ADAMTS18: variants seen among roughly 807,000 people sequenced by gnomAD.
ADAMTS18 encodes the protein ADAM metallopeptidase with thrombospondin type 1 motif 18, also known as A disintegrin and metalloproteinase with thrombospondin motifs 18.
In ADAMTS18, 157 loss-of-function variants were observed where a neutral mutation model predicts 165.9. That is an observed-to-expected ratio of 0.95 (90% CI 0.83 to 1.08). The LOEUF (loss-of-function observed/expected upper bound fraction) is 1.08. ADAMTS18 is among the 50% of genes least tolerant of loss of function. The pLI is 0.00. For synonymous variants in ADAMTS18, 782 were observed against 578.2 expected (o/e 1.35, Z -5.06); for missense variants, 2,040 against 1,534.0 (o/e 1.33, Z -5.51).
intron 16 of ADAMTS18, among the ~76,000 whole-genome samples, chr16:77,302,498 G>A (rs546084781): frequency 3.3e-5 from 5 of 152,200 alleles, no homozygotes; most frequent in East Asian, 1.9e-4. Context: ...CAAAGAGGTC[G>A]CATCACACAC....
intron 6 of ADAMTS18, among the ~76,000 whole-genome samples, chr16:77,362,582 A>G (rs1226645006): frequency 1.3e-5 from 2 of 152,252 alleles, no homozygotes; most frequent in East Asian, 1.9e-4. Flanking sequence ...AAACATGATA[A>G]TAAATTAATG....
At chr16:77,414,251 T>C (rs2057501595) in intron 3 of ADAMTS18, among the ~76,000 whole-genome samples, 1 of 152,220 alleles carries the variant, frequency 6.6e-6, no homozygotes, top group South Asian at 2.1e-4. Context: ...TTACTCAACC[T>C]GTTTGCTTTC....
At chr16:77,301,814 C>T (rs376720515) in intron 16 of ADAMTS18, among the ~76,000 whole-genome samples, 1 of 152,148 alleles carries the variant, frequency 6.6e-6, no homozygotes, top group Non-Finnish European at 1.5e-5. Context: ...AAACAAATCT[C>T]GATGCCTCCT....
At chr16:77,297,916 C>CTTT (rs34422251) in intron 17 of ADAMTS18, among the ~76,000 whole-genome samples, 673 of 61,572 alleles carry the variant, frequency 0.011, 85 homozygotes, top group South Asian at 0.018. Flanking sequence ...TCTGCTTTTG[C>CTTT]TTTTTTTTTT....
chr16:77,427,486 T>C (rs139980420), intron 3 of ADAMTS18, among the ~76,000 whole-genome samples: 131 of 152,256 alleles, frequency 8.6e-4, no homozygotes, highest in African/African-American at 2.8e-3. Context: ...CTGGATATAG[T>C]AGAAAGGACA....
intron 4 of ADAMTS18, among the ~76,000 whole-genome samples, chr16:77,364,830 G>T (rs2056770206): frequency 6.6e-6 from 1 of 151,852 alleles, no homozygotes; most frequent in South Asian, 2.1e-4. Flanking sequence ...TCTAGGCCAG[G>T]CGTGGTGGCT....
chr16:77,337,738 C>T (rs2056331849), intron 11 of ADAMTS18, among the ~76,000 whole-genome samples: 1 of 152,118 alleles, frequency 6.6e-6, no homozygotes, highest in Non-Finnish European at 1.5e-5. Flanking sequence ...TTACGTTAGG[C>T]TGCTATCACA....
chr16:77,375,752 A>G (rs1244389937), intron 3 of ADAMTS18, among the ~76,000 whole-genome samples: 1 of 152,230 alleles, frequency 6.6e-6, no homozygotes, highest in East Asian at 1.9e-4. Context: ...AGAATTGGGT[A>G]TTTATAAAGA....
chr16:77,417,311 T>A (rs1465403759), intron 3 of ADAMTS18, among the ~76,000 whole-genome samples: 1 of 151,838 alleles, frequency 6.6e-6, no homozygotes, highest in Admixed American at 6.6e-5. Flanking sequence ...GGTGGATGGA[T>A]GGGAGAATGG....
intron 12 of ADAMTS18, among the ~76,000 whole-genome samples, chr16:77,326,246 A>AT (rs960395506): frequency 3.9e-5 from 6 of 152,118 alleles, no homozygotes; most frequent in African/African-American, 1.4e-4. Flanking sequence ...CAATCAGGGG[A>AT]TTTTTTTCTA....
At chr16:77,374,090 G>C (rs192382947) in intron 3 of ADAMTS18, among the ~76,000 whole-genome samples, 5 of 151,724 alleles carry the variant, frequency 3.3e-5, no homozygotes, top group African/African-American at 1.2e-4. Context: ...GTGGTGGCAG[G>C]CACCTGTAAT....
At chr16:77,285,604 C>G (rs899659957) in intron 22 of ADAMTS18, among the ~76,000 whole-genome samples, 6 of 151,862 alleles carry the variant, frequency 4.0e-5, no homozygotes, top group African/African-American at 1.5e-4. Context: ...TTTATACATC[C>G]CCTTCATGTA....
intron 4 of ADAMTS18, among the ~76,000 whole-genome samples, chr16:77,365,142 G>A (rs940525708): frequency 1.5e-4 from 22 of 151,060 alleles, no homozygotes; most frequent in African/African-American, 5.4e-4. Flanking sequence ...TTACCTTTAA[G>A]ATAGAGTCTC....
At chr16:77,296,649 G>C (rs148744202) in intron 18 of ADAMTS18, among the ~76,000 whole-genome samples, 1 of 152,048 alleles carries the variant, frequency 6.6e-6, no homozygotes, top group Admixed American at 6.5e-5. Flanking sequence ...GCAAAACCCC[G>C]TCTCTACTAA....
intron 16 of ADAMTS18, among the ~76,000 whole-genome samples, chr16:77,318,883 TC>T (rs1016010206): frequency 6.6e-6 from 1 of 152,142 alleles, no homozygotes; most frequent in African/African-American, 2.4e-5. Context: ...GTGCTCAGTA[TC>T]ATTTCTATAC....
intron 18 of ADAMTS18, among the ~76,000 whole-genome samples, chr16:77,295,899 A>G (rs1239318061): frequency 1.3e-5 from 2 of 151,940 alleles, no homozygotes; most frequent in Non-Finnish European, 2.9e-5. Flanking sequence ...GCTGGAGTGC[A>G]ATGGCTCGAT....
intron 3 of ADAMTS18, among the ~76,000 whole-genome samples, chr16:77,417,618 C>T (rs1054332891): frequency 6.6e-6 from 1 of 152,164 alleles, no homozygotes; most frequent in Non-Finnish European, 1.5e-5. Context: ...GAGCTCTTTG[C>T]CTCTTCAAGT....
intron 3 of ADAMTS18, among the ~76,000 whole-genome samples, chr16:77,373,155 A>G (rs1287008063): frequency 1.3e-5 from 2 of 152,040 alleles, no homozygotes; most frequent in African/African-American, 2.4e-5. Context: ...CTCAATTTAA[A>G]CACCATCTTC....
At chr16:77,402,268 G>A (rs371503182) in intron 3 of ADAMTS18, among the ~76,000 whole-genome samples, 1 of 152,264 alleles carries the variant, frequency 6.6e-6, no homozygotes, top group South Asian at 2.1e-4. Context: ...CACAAAATAT[G>A]ACCCATCACT....
Sources: gnomAD v4.1 joint callset for allele counts (sites outside exome capture counted in the v4.1 genomes callset) on GRCh38, gnomAD v4.1.1 for gene constraint, MANE v1.5 for transcripts, NCBI Gene and HGNC (gene_info 2026-07-23, HGNC 2026-07-21) for gene names.